Variants in FGD5 observed in about 807,000 individuals in gnomAD.
FGD5 encodes FYVE, RhoGEF and PH domain-containing protein 5.
FGD5 carries 28 observed loss-of-function variants against 133.4 expected under a neutral mutation model. The ratio of observed to expected loss-of-function variants is 0.21; its 90% CI spans 0.16 to 0.29. The LOEUF (loss-of-function observed/expected upper bound fraction) is 0.29, where lower values mean the gene tolerates loss of function less well. Ranked by LOEUF, FGD5 falls within the 10% of genes least tolerant of loss-of-function variation. The pLI, the probability that FGD5 is intolerant of heterozygous loss-of-function variation, is 1.00. For missense variants in FGD5, 1,858 were observed against 1,895.2 expected (o/e 0.98, Z 0.36); for synonymous variants, 810 against 776.5 (o/e 1.04, Z -0.72).
In FGD5 at chr3:14,924,064, T is replaced by G; in HGVS notation, c.3994T>G (p.Phe1332Val). Reference sequence around the variant, plus strand: ...TTCACCCCGCTTCTCGGGCAGTGCCTTTTCATCCGTCTTCCAGAGCATTAA... The same window carrying G: ...TTCACCCCGCTTCTCGGGCAGTGCCGTTTCATCCGTCTTCCAGAGCATTAA... ...LSSPRFSGSA[F>V]SSVFQSINPS... is the part of the protein sequence containing the mutation. Residue 1332 changes from phenylalanine to valine, a missense_variant, in exon 17 of 20, where the codon TTT becomes GTT. Physicochemically the swap from Phe to Val is conservative, Grantham distance 50. This residue lies in a region of FGD5 where 1,824 missense variants were observed against 1,848.9 expected (regional missense o/e 0.99). Transcript: ENST00000285046. 6.2e-7 allele frequency: 1 copy of G among 1,613,926 alleles called. No homozygotes were observed. The highest frequency in any genetic ancestry group is 8.5e-7 in the Non-Finnish European group (1 of 1,179,858).
At chr3:14,886,783 T>C (rs1191360637) in intron 4 of FGD5, among the ~76,000 whole-genome samples, 1 of 152,272 alleles carries the variant, frequency 6.6e-6, no homozygotes, top group Non-Finnish European at 1.5e-5. Context: ...CTTTGACCCA[T>C]GGATTATTTA....
At chr3:14,863,116 C>G (rs529809287) in intron 1 of FGD5, among the ~76,000 whole-genome samples, 2 of 152,248 alleles carry the variant, frequency 1.3e-5, no homozygotes, top group Non-Finnish European at 2.9e-5. Flanking sequence ...TGCTCCCTTC[C>G]GTCCTGCCAT....
At chr3:14,875,789 G>A (rs1246312277) in intron 2 of FGD5, among the ~76,000 whole-genome samples, 5 of 152,058 alleles carry the variant, frequency 3.3e-5, no homozygotes, top group Non-Finnish European at 5.9e-5. Flanking sequence ...TGGAGGGAGT[G>A]GAGGGAGACA....
At chr3:14,853,246 A>G (rs957375365) in intron 1 of FGD5, among the ~76,000 whole-genome samples, 2 of 152,182 alleles carry the variant, frequency 1.3e-5, no homozygotes, top group African/African-American at 4.8e-5. Context: ...GGGACTGTTT[A>G]GTACTGGGAA....
chr3:14,867,018 C>T (rs866762805), intron 2 of FGD5, among the ~76,000 whole-genome samples: 6 of 152,184 alleles, frequency 3.9e-5, no homozygotes, highest in Non-Finnish European at 5.9e-5. Context: ...GTTGGACATC[C>T]GTGCCCTCCT....
At chr3:14,930,439 T>C (rs780439372) in intron 18 of FGD5, among the ~76,000 whole-genome samples, 1 of 151,998 alleles carries the variant, frequency 6.6e-6, no homozygotes, top group Non-Finnish European at 1.5e-5. Flanking sequence ...CTACTAAAAA[T>C]AGAAAAAATT....
At chr3:14,835,336 A>G (rs2036796065) in intron 1 of FGD5, among the ~76,000 whole-genome samples, 1 of 152,148 alleles carries the variant, frequency 6.6e-6, no homozygotes, top group Admixed American at 6.5e-5. Context: ...CATCTCTGCT[A>G]AAAATACAAA....
At chr3:14,898,945 G>A (rs2038188320) in intron 7 of FGD5, 119 bp downstream of exon 7, 1 of 859,294 alleles carries the variant, frequency 1.2e-6, no homozygotes, top group Admixed American at 2.2e-5. Context: ...TGTTGGGGAA[G>A]GGTGACCTCT....
At position 14,933,419 on chromosome 3, in the gene FGD5, A is replaced by G. The variant is rs980477979; in HGVS notation, c.*252A>G. 3 of 522,036 alleles carry G rather than the reference A, an allele frequency of 5.7e-6. No individual in the cohort carries two copies. The highest frequency in any genetic ancestry group is 3.8e-5 in the African/African-American group (2 of 52,612). 32.3% of individuals were successfully genotyped at this position (522,036 alleles called of 1,614,324 possible). ...CTACCCCCACCCGCCACCCAGTAAT[A>G]AACTATTTCCTTACCCCGCAGTGAG... On this transcript the variant is annotated 3_prime_UTR_variant, in exon 20 of 20. Transcript: ENST00000285046.
intron 2 of FGD5, among the ~76,000 whole-genome samples, chr3:14,871,737 G>T (rs1254486241): frequency 6.6e-6 from 1 of 152,202 alleles, no homozygotes; most frequent in Admixed American, 6.5e-5. Flanking sequence ...GGCTGGGCAG[G>T]TTAGGATCCC....
rs1342514174 is a variant in FGD5, at chr3:14,922,184, C to T, written c.3669+167C>T. On this transcript the variant is annotated intron_variant, in intron 14 of 19. Transcript: ENST00000285046. This position sits in a 1 kb window ranked among gnomAD's most constrained non-coding sequence, Gnocchi z 4.1. ...CTCCCACCCTAGTCAGGGGCGGCCT[C>T]CGTGTAACCTAGGAGCCCAGCACCC... 7 of 980,950 alleles carry T rather than the reference C, an allele frequency of 7.1e-6. No individual in the cohort carries two copies. In the African/African-American group the frequency reaches 1.1e-4, roughly 16 times the overall value. 60.8% of individuals were successfully genotyped at this position (980,950 alleles called of 1,614,324 possible). A position where few individuals can be genotyped will look rare whatever the true frequency, so the allele number is the denominator to read the frequency against.
intron 1 of FGD5, among the ~76,000 whole-genome samples, chr3:14,838,363 T>C (rs867576267): frequency 6.6e-6 from 1 of 152,298 alleles, no homozygotes; most frequent in Middle Eastern, 3.4e-3. Flanking sequence ...GTTATAACCT[T>C]CACAACCTTA....
In FGD5 at chr3:14,933,257, A is replaced by G; in HGVS notation, c.*90A>G. 6.9e-7 allele frequency: 1 copy of G among 1,454,316 alleles called. No homozygotes were observed. The highest frequency in any genetic ancestry group is 9.5e-7 in the Non-Finnish European group (1 of 1,052,748). The allele number at this position is 1,454,316 out of a possible 1,614,324, so 90.1% of individuals were successfully genotyped here. On this transcript the variant is annotated 3_prime_UTR_variant, in exon 20 of 20. Coordinates refer to ENST00000285046, the MANE Select transcript of FGD5 (RefSeq NM_152536.4). Reference sequence around the variant, plus strand: ...AAGCTGTGGCTCAACTCATCCGGACACACACCTGGATTCAGCAATGAGGCC... The same window carrying G: ...AAGCTGTGGCTCAACTCATCCGGACGCACACCTGGATTCAGCAATGAGGCC...
chr3:14,933,012 C>A, intron 19 of FGD5, 119 bp from the exon 20 acceptor site: 1 of 1,209,120 alleles, frequency 8.3e-7, no homozygotes, highest in Non-Finnish European at 1.2e-6. Context: ...AATACAATTA[C>A]GACATGGTCC....
chr3:14,923,691 G>A (rs2038731896), intron 16 of FGD5, among the ~76,000 whole-genome samples: 1 of 152,144 alleles, frequency 6.6e-6, no homozygotes, highest in Non-Finnish European at 1.5e-5. Context: ...TGTATCTTGG[G>A]CCTAAAACTA....
intron 1 of FGD5, among the ~76,000 whole-genome samples, chr3:14,848,521 C>A (rs1377913962): frequency 6.6e-6 from 1 of 152,176 alleles, no homozygotes; most frequent in Non-Finnish European, 1.5e-5. Flanking sequence ...CAGCCCCATG[C>A]AGCCCTGGAA....
At chr3:14,924,184 G>A (rs1011468204) in intron 17 of FGD5, 46 bp downstream of exon 17, 5 of 1,613,248 alleles carry the variant, frequency 3.1e-6, no homozygotes, top group Middle Eastern at 1.6e-4. Context: ...GCATTTGGAA[G>A]GTTCATGGTC....
At chr3:14,851,224 G>A (rs1041207404) in intron 1 of FGD5, among the ~76,000 whole-genome samples, 1 of 152,138 alleles carries the variant, frequency 6.6e-6, no homozygotes, top group Non-Finnish European at 1.5e-5. Context: ...TACACAGGTC[G>A]TATACCTCAT....
At chr3:14,879,532 A>G (rs1301787939) in intron 2 of FGD5, among the ~76,000 whole-genome samples, 3 of 152,204 alleles carry the variant, frequency 2.0e-5, no homozygotes, top group Non-Finnish European at 4.4e-5. Context: ...GTCAGCCTGC[A>G]GAGTTAGTGC....
Sources: allele counts gnomAD v4.1 joint callset (sites outside exome capture counted in the v4.1 genomes callset), GRCh38; gene constraint gnomAD v4.1.1; regional missense constraint gnomAD v4.1.1; non-coding constraint Gnocchi (gnomAD v3.1); transcripts MANE v1.5; gene names NCBI Gene and HGNC (gene_info 2026-07-23, HGNC 2026-07-21).